Variants in SSX2IP observed in about 807,000 individuals in gnomAD.
SSX2IP encodes afadin- and alpha-actinin-binding protein.
A neutral mutation model predicts 84.9 loss-of-function variants in SSX2IP; 55 were observed. That is an observed-to-expected ratio of 0.65 (90% CI 0.52 to 0.81). The LOEUF (loss-of-function observed/expected upper bound fraction) is 0.81. Among genes scored for constraint, SSX2IP ranks in the 30% least tolerant of loss-of-function variants. The pLI is 0.00. For missense variants in SSX2IP, 664 were observed against 705.2 expected, an observed-to-expected ratio of 0.94 and a Z score of 0.66; for synonymous variants, 239 against 234.7, an observed-to-expected ratio of 1.02 and a Z score of -0.17.
At chr1:84,680,251 A>C (rs1000052245) in intron 1 of SSX2IP, 10 of 152,138 alleles carry the variant, frequency 6.6e-5, no homozygotes, top group African/African-American at 1.9e-4. Flanking sequence ...TGAACTGATC[A>C]TTGCTGCAGT....
At chr1:84,668,484 CATT>C (rs1208530950) in intron 4 of SSX2IP, among the ~76,000 whole-genome samples, 1 of 152,116 alleles carries the variant, frequency 6.6e-6, no homozygotes, top group Non-Finnish European at 1.5e-5. Context: ...AGCCTAAAAA[CATT>C]ATTAAGAGAA....
At chr1:84,681,240 G>A (rs1655041590) in intron 1 of SSX2IP, among the ~76,000 whole-genome samples, 1 of 152,156 alleles carries the variant, frequency 6.6e-6, no homozygotes, top group South Asian at 2.1e-4. Context: ...AATATATATT[G>A]AGGACATTGT....
chr1:84,655,735 TAAGTA>T (rs1224903550), intron 11 of SSX2IP, 92 bp downstream of exon 11: 1 of 1,452,392 alleles, frequency 6.9e-7, no homozygotes, highest in African/African-American at 1.4e-5. Context: ...TTTTAGAAAA[TAAGTA>T]AATAGCAAGA....
intron 4 of SSX2IP, 33 bp from the exon 5 acceptor site, chr1:84,666,265 T>G (rs766918186): frequency 6.7e-7 from 1 of 1,503,438 alleles, no homozygotes; most frequent in Non-Finnish European, 9.2e-7. Context: ...TGCTTAAAAT[T>G]AATAAAGGAT....
chr1:84,679,610 A>G (rs1487427183), intron 1 of SSX2IP, among the ~76,000 whole-genome samples: 1 of 152,176 alleles, frequency 6.6e-6, no homozygotes, highest in Non-Finnish European at 1.5e-5. Flanking sequence ...CTTATTTCCA[A>G]GATGCTCTCT....
chr1:84,652,116 G>T, intron 11 of SSX2IP, 119 bp from the exon 12 acceptor site: 1 of 698,040 alleles, frequency 1.4e-6, no homozygotes, highest in Non-Finnish European at 2.5e-6. Flanking sequence ...TACTTCTTAT[G>T]TCAAATGAGT....
intron 9 of SSX2IP, among the ~76,000 whole-genome samples, chr1:84,657,729 T>C (rs1201573738): frequency 6.6e-6 from 1 of 152,324 alleles, no homozygotes; most frequent in East Asian, 1.9e-4. Flanking sequence ...CTTTATTTGA[T>C]TGTATACTGC....
rs899430171 is a variant in SSX2IP, at chr1:84,644,495, C to T, written c.*2938G>A. The stretch of plus-strand genomic sequence containing the variant: ...ACAAAAATAGGGAAAAGTATATTTA[C>T]TAGACTTCCATAATCCATACTTACT... On this transcript the variant is annotated 3_prime_UTR_variant, in exon 14 of 14. Coordinates refer to ENST00000342203, the MANE Select transcript of SSX2IP (RefSeq NM_001166293.2). 2.0e-5 allele frequency: 3 copies of T among 152,206 alleles called. No homozygotes were observed. Among genetic ancestry groups the T allele is most frequent in the African/African-American group, 7.2e-5 (3 of 41,458 alleles). 9.4% of individuals were successfully genotyped at this position (152,206 alleles called of 1,614,324 possible).
intron 1 of SSX2IP, among the ~76,000 whole-genome samples, chr1:84,671,766 G>T (rs188525546): frequency 6.6e-6 from 1 of 152,238 alleles, no homozygotes; most frequent in Admixed American, 6.5e-5. Flanking sequence ...GTAGAGAAAT[G>T]AAACTTCCAT....
chr1:84,647,670 A>G, intron 13 of SSX2IP, 63 bp from the exon 14 acceptor site: 1 of 1,242,454 alleles, frequency 8.0e-7, no homozygotes, highest in Non-Finnish European at 1.1e-6. Context: ...CTTTAACCTC[A>G]TAATGTGGCA....
At position 84,643,851 on chromosome 1, in the gene SSX2IP, TC is replaced by T. The variant is rs1649196978; in HGVS notation, c.*3581del. The stretch of plus-strand genomic sequence containing the variant: ...CATATGTCACTGACATTACAGTACT[TC>T]CTGAGCTCTCAGGAATCCATTATTT... On this transcript the variant is annotated 3_prime_UTR_variant, in exon 14 of 14. Transcript: ENST00000342203. 6.6e-6 allele frequency: 1 copy of T among 152,210 alleles called. No homozygotes were observed. The highest frequency in any genetic ancestry group is 1.5e-5 in the Non-Finnish European group (1 of 68,040). The allele number at this position is 152,210 out of a possible 1,614,324, so 9.4% of individuals were successfully genotyped here.
intron 9 of SSX2IP, 147 bp from the exon 10 acceptor site, chr1:84,656,631 C>CT: frequency 1.7e-6 from 1 of 581,120 alleles, no homozygotes; most frequent in Non-Finnish European, 2.6e-6. Context: ...CGTCCTTTGA[C>CT]TTTTTAAAAT....
At chr1:84,689,111 T>A (rs1455817145) in intron 1 of SSX2IP, among the ~76,000 whole-genome samples, 3 of 152,240 alleles carry the variant, frequency 2.0e-5, no homozygotes, top group Admixed American at 2.0e-4. Context: ...GGATAAGAGA[T>A]CTGATGGATC....
chr1:84,651,389 C>T (rs2994442), intron 12 of SSX2IP, among the ~76,000 whole-genome samples: 12,588 of 152,174 alleles, frequency 0.083, 787 homozygotes, highest in African/African-American at 0.18. Flanking sequence ...TGGGCATGCA[C>T]AGTCCCCCTC....
intron 12 of SSX2IP, among the ~76,000 whole-genome samples, chr1:84,651,385 T>C (rs1650225463): frequency 1.3e-5 from 2 of 152,138 alleles, no homozygotes; most frequent in Admixed American, 6.6e-5. Flanking sequence ...ACTTTGGGCA[T>C]GCACAGTCCC....
chr1:84,649,305 G>C (rs1476560838), intron 13 of SSX2IP, among the ~76,000 whole-genome samples: 1 of 152,102 alleles, frequency 6.6e-6, no homozygotes, highest in Non-Finnish European at 1.5e-5. Context: ...TCTAGGTCTT[G>C]GTCACCATTG....
In SSX2IP at chr1:84,656,434, G is replaced by A; in HGVS notation, c.1129C>T (p.Gln377Ter). The part of the protein sequence containing the change: ...GFNDEDVISR[Q>*]DHEQETEKLE... ...TTTTCAGTTTCTTGTTCATGGTCTTGTCGTGAGATTACATCTTCATCATTA... is the reference window on the plus strand; with the variant it reads ...TTTTCAGTTTCTTGTTCATGGTCTTATCGTGAGATTACATCTTCATCATTA... The change falls in exon 10 of 14, where the codon CAA (glutamine) becomes TAA (stop). Residue 377 changes from glutamine to a stop codon, truncating the protein, a stop_gained. Coordinates refer to ENST00000342203, the MANE Select transcript of SSX2IP (RefSeq NM_001166293.2). LOFTEE classifies it high-confidence loss of function. The A allele has an allele frequency of 6.2e-7, 1 of 1,613,350 alleles. No individual in the cohort carries two copies. The highest frequency in any genetic ancestry group is 8.5e-7 in the Non-Finnish European group (1 of 1,179,636).
Position 84,646,031 on chromosome 1 carries a change from G to T in SSX2IP, c.*1402C>A, listed in dbSNP as rs1364255493. On this transcript the variant is annotated 3_prime_UTR_variant, in exon 14 of 14. Coordinates refer to ENST00000342203, the MANE Select transcript of SSX2IP (RefSeq NM_001166293.2). ...AGTGAATGGACAACACAAATAGGTG[G>T]GTTTTTTTTGTTTTTTAATAATATG... 4 of 152,100 alleles carry T rather than the reference G, an allele frequency of 2.6e-5. No individual in the cohort carries two copies. The East Asian group carries it at 7.7e-4, about 29-fold the overall frequency. 9.4% of individuals were successfully genotyped at this position (152,100 alleles called of 1,614,324 possible).
intron 1 of SSX2IP, among the ~76,000 whole-genome samples, chr1:84,680,724 G>T (rs1172605321): frequency 6.6e-6 from 1 of 151,940 alleles, no homozygotes; most frequent in African/African-American, 2.4e-5. Context: ...TTGGTATAAG[G>T]ACAGAAAAAA....
Sources: allele counts gnomAD v4.1 joint callset (sites outside exome capture counted in the v4.1 genomes callset), GRCh38; gene constraint gnomAD v4.1.1; transcripts MANE v1.5; gene names NCBI Gene and HGNC (gene_info 2026-07-23, HGNC 2026-07-21).